The following FRAS1 variants were observed in gnomAD, a reference collection of about 807,000 sequenced individuals.
The protein encoded by FRAS1 is extracellular matrix organizing protein FRAS1.
A neutral mutation model predicts 435.2 loss-of-function variants in FRAS1; 290 were observed. That is an observed-to-expected ratio of 0.67 (90% confidence interval 0.61 to 0.73). The LOEUF (loss-of-function observed/expected upper bound fraction) is 0.73, where lower values mean the gene tolerates loss of function less well. Ranked by LOEUF, FRAS1 falls within the 30% of genes least tolerant of loss-of-function variation. The pLI, the probability that FRAS1 is intolerant of heterozygous loss-of-function variation, is 0.00. For synonymous variants in FRAS1, 1,800 were observed against 1,851.0 expected, an observed-to-expected ratio of 0.97 and a Z score of 0.71; for missense variants, 4,860 against 5,001.5, an observed-to-expected ratio of 0.97 and a Z score of 0.85.
intron 38 of FRAS1, among the ~76,000 whole-genome samples, chr4:78,435,355 A>C (rs1460877873): frequency 6.6e-6 from 1 of 152,240 alleles, no homozygotes; most frequent in African/African-American, 2.4e-5. Flanking sequence ...AGATACCAAC[A>C]TGTATGAAAT....
At chr4:78,378,715 T>G (rs1731883858) in intron 26 of FRAS1, among the ~76,000 whole-genome samples, 1 of 140,552 alleles carries the variant, frequency 7.1e-6, no homozygotes, top group Non-Finnish European at 1.6e-5. Context: ...TTTTAAAAAT[T>G]GGGTTTTTCA....
At chr4:78,164,842 A>T (rs1721274257) in intron 2 of FRAS1, among the ~76,000 whole-genome samples, 1 of 152,134 alleles carries the variant, frequency 6.6e-6, no homozygotes, top group Non-Finnish European at 1.5e-5. Context: ...TTCTTTCTCA[A>T]AACTTCCATC....
intron 18 of FRAS1, among the ~76,000 whole-genome samples, chr4:78,322,495 C>A (rs531171911): frequency 2.0e-5 from 3 of 152,172 alleles, no homozygotes; most frequent in Middle Eastern, 6.8e-3. Flanking sequence ...CTAGAACTCT[C>A]CTTCCTTTCT....
chr4:78,210,021 C>T (rs1449887369), intron 2 of FRAS1, among the ~76,000 whole-genome samples: 1 of 152,160 alleles, frequency 6.6e-6, no homozygotes, highest in South Asian at 2.1e-4. Context: ...GACCCAGCCT[C>T]TGCTGAGCTC....
chr4:78,210,911 G>T (rs538735420), intron 2 of FRAS1, among the ~76,000 whole-genome samples: 2 of 152,256 alleles, frequency 1.3e-5, no homozygotes, highest in East Asian at 3.9e-4. Context: ...AATGTGGGGA[G>T]TTTATGGGCA....
At chr4:78,438,486 G>T in intron 38 of FRAS1, 84 bp from the exon 39 acceptor site, 1 of 1,332,304 alleles carries the variant, frequency 7.5e-7, no homozygotes. Flanking sequence ...AGCAGAGAGA[G>T]AAGCACCCAT....
chr4:78,128,124 T>C (rs1021280944), intron 2 of FRAS1, among the ~76,000 whole-genome samples: 5 of 152,154 alleles, frequency 3.3e-5, no homozygotes, highest in African/African-American at 1.2e-4. Flanking sequence ...GGTGTATATG[T>C]GCCACATTTT....
At chr4:78,419,250 CTA>C (rs1244783198) in intron 33 of FRAS1, among the ~76,000 whole-genome samples, 187 bp downstream of exon 33, 15 of 152,170 alleles carry the variant, frequency 9.9e-5, no homozygotes, top group Admixed American at 9.8e-4. Flanking sequence ...GAGAAAAAGA[CTA>C]TGGTCAGAAG....
intron 2 of FRAS1, among the ~76,000 whole-genome samples, chr4:78,195,059 T>G (rs1392500756): frequency 6.6e-6 from 1 of 152,144 alleles, no homozygotes. Context: ...TTTGCCTGGG[T>G]ATCAGAAGCA....
chr4:78,065,857 A>G, intron 1 of FRAS1, 128 bp from the exon 2 acceptor site: 1 of 711,176 alleles, frequency 1.4e-6, no homozygotes. Context: ...AGCTTTTAAG[A>G]TTTTGGAAGA....
rs548599614 is a variant in FRAS1 at position 78,114,640 on chromosome 4, G to T, written c.108+48624G>T. The stretch of plus-strand genomic sequence containing the variant: ...TTTGGCTCTCTGTTTGTCTGTTATT[G>T]GTGTATAAGAATGCTTGTGATTTTT... On this transcript the variant is annotated intron_variant, in intron 2 of 73. Coordinates refer to ENST00000512123, the MANE Select transcript of FRAS1 (RefSeq NM_025074.7). Among the ~76,000 whole-genome samples, 12 of 152,168 alleles carry T rather than the reference G, an allele frequency of 7.9e-5. No homozygotes were observed. In the South Asian group the frequency reaches 1.2e-3, roughly 16 times the overall value.
intron 2 of FRAS1, among the ~76,000 whole-genome samples, chr4:78,120,074 T>A (rs1306083235): frequency 6.6e-6 from 1 of 152,224 alleles, no homozygotes; most frequent in East Asian, 1.9e-4. Flanking sequence ...TTTTTAAAGT[T>A]ATGAATGGAT....
chr4:78,539,777 G>A (rs1721992839), intron 73 of FRAS1, among the ~76,000 whole-genome samples: 1 of 152,040 alleles, frequency 6.6e-6, no homozygotes, highest in Non-Finnish European at 1.5e-5. Context: ...ACGGACATAT[G>A]AAAAACATTT....
At chr4:78,342,573 T>G (rs1263835081) in intron 20 of FRAS1, among the ~76,000 whole-genome samples, 1 of 152,192 alleles carries the variant, frequency 6.6e-6, no homozygotes, top group Non-Finnish European at 1.5e-5. Context: ...TGCCCACATC[T>G]CAACAACATT....
chr4:78,256,321 A>T (rs2110138720), intron 6 of FRAS1, among the ~76,000 whole-genome samples: 1 of 152,226 alleles, frequency 6.6e-6, no homozygotes, highest in East Asian at 1.9e-4. Flanking sequence ...TCACAAAGCC[A>T]TATCCTTGCT....
intron 2 of FRAS1, among the ~76,000 whole-genome samples, chr4:78,113,367 G>C (rs1742879247): frequency 6.6e-6 from 1 of 152,122 alleles, no homozygotes; most frequent in African/African-American, 2.4e-5. Context: ...TGGGTCAAAT[G>C]GTATTTCTAG....
chr4:78,276,650 G>A (rs1727055973), intron 9 of FRAS1, among the ~76,000 whole-genome samples: 3 of 152,210 alleles, frequency 2.0e-5, no homozygotes, highest in Non-Finnish European at 4.4e-5. Flanking sequence ...AACAGTAAAT[G>A]TTGCTGCCTG....
At chr4:78,431,805 G>T (rs116596621) in intron 37 of FRAS1, among the ~76,000 whole-genome samples, 3 of 151,870 alleles carry the variant, frequency 2.0e-5, no homozygotes, top group African/African-American at 7.3e-5. Flanking sequence ...ACATAATGCC[G>T]ATCAAATTTC....
intron 67 of FRAS1, among the ~76,000 whole-genome samples, chr4:78,521,243 T>G (rs1721376546): frequency 6.6e-6 from 1 of 152,138 alleles, no homozygotes; most frequent in African/African-American, 2.4e-5. Context: ...AAGATTCATT[T>G]TTTTGCTGAA....
Sources: allele counts gnomAD v4.1 joint callset (sites outside exome capture counted in the v4.1 genomes callset), GRCh38; gene constraint gnomAD v4.1.1; transcripts MANE v1.5; gene names NCBI Gene and HGNC (gene_info 2026-07-23, HGNC 2026-07-21).